MNAT1: variants seen among roughly 807,000 people sequenced by gnomAD.
MNAT1 encodes the protein CDK-activating kinase assembly factor MAT1.
Under a neutral mutation model 42.0 loss-of-function variants are expected in MNAT1, and 43 were observed. The observed-to-expected ratio is 1.02, with a 90% CI of 0.80 to 1.32. The LOEUF is 1.32. Ranked by LOEUF, MNAT1 falls within the 40% of genes most tolerant of loss-of-function variation. MNAT1 has a pLI of 0.00. For missense variants in MNAT1, 306 were observed against 350.4 expected (o/e 0.87, Z 1.01); for synonymous variants, 118 against 120.0 (o/e 0.98, Z 0.11).
At chr14:60,811,328 A>C (rs1241417554) in intron 4 of MNAT1, among the ~76,000 whole-genome samples, 1 of 116,420 alleles carries the variant, frequency 8.6e-6, no homozygotes. Flanking sequence ...TTTGAGATGG[A>C]ACCTCGCCCT....
intron 6 of MNAT1, among the ~76,000 whole-genome samples, chr14:60,844,338 G>A (rs1566791047): frequency 1.3e-5 from 2 of 152,078 alleles, no homozygotes. Flanking sequence ...CTAAAATACT[G>A]AGTCTTCCAC....
At chr14:60,871,550 A>G (rs2034324247) in intron 6 of MNAT1, among the ~76,000 whole-genome samples, 1 of 151,644 alleles carries the variant, frequency 6.6e-6, no homozygotes, top group African/African-American at 2.4e-5. Flanking sequence ...TCATGTTCTT[A>G]TTAGCCATCT....
intron 7 of MNAT1, among the ~76,000 whole-genome samples, chr14:60,900,018 C>T (rs1467864151): frequency 6.6e-6 from 1 of 150,694 alleles, no homozygotes; most frequent in Non-Finnish European, 1.5e-5. Context: ...TGTGTGTGTT[C>T]TGACTGTTCT....
intron 7 of MNAT1, among the ~76,000 whole-genome samples, chr14:60,944,020 T>C (rs2036227251): frequency 6.6e-6 from 1 of 152,236 alleles, no homozygotes; most frequent in Non-Finnish European, 1.5e-5. Context: ...TTCCAGAAAC[T>C]ATGCAAGGGT....
At chr14:60,781,347 T>C (rs1172384077) in intron 1 of MNAT1, among the ~76,000 whole-genome samples, 2 of 152,232 alleles carry the variant, frequency 1.3e-5, no homozygotes, top group African/African-American at 4.8e-5. Context: ...GCATCATTTA[T>C]TGATTTGTAG....
intron 7 of MNAT1, among the ~76,000 whole-genome samples, chr14:60,947,995 CAT>C (rs2036313853): frequency 6.6e-6 from 1 of 152,198 alleles, no homozygotes; most frequent in South Asian, 2.1e-4. Flanking sequence ...TAGAGGCCCT[CAT>C]AATCTTTTCT....
At chr14:60,854,428 C>T (rs955124568) in intron 6 of MNAT1, among the ~76,000 whole-genome samples, 7 of 152,176 alleles carry the variant, frequency 4.6e-5, no homozygotes, top group Non-Finnish European at 1.0e-4. Context: ...TTTTCCTCAT[C>T]GTCGTGGATT....
intron 1 of MNAT1, among the ~76,000 whole-genome samples, chr14:60,747,818 C>G (rs1251433998): frequency 1.3e-5 from 2 of 152,086 alleles, no homozygotes; most frequent in African/African-American, 4.8e-5. Flanking sequence ...TTTGTAATAC[C>G]TAGCTTAAAA....
At chr14:60,910,310 T>C (rs528642600) in intron 7 of MNAT1, among the ~76,000 whole-genome samples, 9 of 152,264 alleles carry the variant, frequency 5.9e-5, no homozygotes, top group South Asian at 2.1e-4. Flanking sequence ...ATTGAATGCC[T>C]TTTATTTCCT....
At chr14:60,748,872 A>T (rs1043039313) in intron 1 of MNAT1, among the ~76,000 whole-genome samples, 2 of 152,170 alleles carry the variant, frequency 1.3e-5, no homozygotes, top group Admixed American at 1.3e-4. Flanking sequence ...GTAGTCATTT[A>T]TTATCATTAT....
chr14:60,752,746 T>C (rs2030151951), intron 1 of MNAT1, among the ~76,000 whole-genome samples: 1 of 152,214 alleles, frequency 6.6e-6, no homozygotes, highest in African/African-American at 2.4e-5. Flanking sequence ...AATTTCATAT[T>C]ACTCTACCAT....
intron 6 of MNAT1, among the ~76,000 whole-genome samples, chr14:60,822,915 C>G (rs556400281): frequency 6.6e-6 from 1 of 152,074 alleles, no homozygotes; most frequent in African/African-American, 2.4e-5. Context: ...TGCCACCACA[C>G]CCGGCTATTT....
intron 1 of MNAT1, among the ~76,000 whole-genome samples, chr14:60,761,053 A>T (rs1046942043): frequency 9.9e-5 from 15 of 152,228 alleles, no homozygotes; most frequent in Non-Finnish European, 1.5e-5. Context: ...ACGCTTATGA[A>T]TAACTCCTTT....
intron 7 of MNAT1, among the ~76,000 whole-genome samples, chr14:60,942,322 C>T (rs2036181366): frequency 6.6e-6 from 1 of 152,136 alleles, no homozygotes; most frequent in South Asian, 2.1e-4. Context: ...CCATCTTGCC[C>T]TCAAGCAGTG....
At chr14:60,859,013 G>A (rs1014673640) in intron 6 of MNAT1, among the ~76,000 whole-genome samples, 4 of 152,164 alleles carry the variant, frequency 2.6e-5, no homozygotes, top group Non-Finnish European at 5.9e-5. Context: ...TCTGCCTTTC[G>A]TAAGAATTGT....
chr14:60,757,882 G>C (rs1320683474), intron 1 of MNAT1, among the ~76,000 whole-genome samples: 1 of 152,152 alleles, frequency 6.6e-6, no homozygotes, highest in Admixed American at 6.6e-5. Context: ...ATGATGCAAA[G>C]TTGAATCAGA....
At chr14:60,765,812 T>C (rs1297660712) in intron 1 of MNAT1, among the ~76,000 whole-genome samples, 1 of 152,170 alleles carries the variant, frequency 6.6e-6, no homozygotes, top group Non-Finnish European at 1.5e-5. Context: ...CTTTTATTTG[T>C]CATATGGTTG....
At chr14:60,910,696 A>G (rs6573342) in intron 7 of MNAT1, among the ~76,000 whole-genome samples, 151,473 of 152,328 alleles carry the variant, frequency 0.99, 75,323 homozygotes, top group East Asian at 1. Context: ...TGGTGGATAA[A>G]CTTTTTGATG....
intron 3 of MNAT1, chr14:60,799,329 G>A (rs774037511): frequency 2.5e-4 from 246 of 985,216 alleles, no homozygotes; most frequent in Middle Eastern, 5.2e-4. Context: ...AAGTGGAAAA[G>A]TTAGAATGTA....
Sources: gnomAD v4.1 joint callset for allele counts (sites outside exome capture counted in the v4.1 genomes callset) on GRCh38, gnomAD v4.1.1 for gene constraint, MANE v1.5 for transcripts, NCBI Gene and HGNC (gene_info 2026-07-23, HGNC 2026-07-21) for gene names.